DIS3: variants seen among roughly 807,000 people sequenced by gnomAD.
DIS3 encodes the protein DIS3 exosome endoribonuclease and 3'-5' exoribonuclease.
DIS3 carries 103 observed loss-of-function variants against 113.0 expected under a neutral mutation model. That is an observed-to-expected ratio of 0.91 (90% confidence interval 0.78 to 1.07). DIS3 has a LOEUF of 1.07. Ranked by LOEUF, DIS3 falls within the 50% of genes least tolerant of loss-of-function variation. The pLI, the probability that DIS3 is intolerant of heterozygous loss-of-function variation, is 0.00. For missense variants in DIS3, 1,121 were observed against 1,167.1 expected (o/e 0.96, Z 0.58); for synonymous variants, 402 against 394.3 (o/e 1.02, Z -0.23).
At chr13:72,763,914 C>A (rs977953666) in intron 15 of DIS3, among the ~76,000 whole-genome samples, 1 of 151,956 alleles carries the variant, frequency 6.6e-6, no homozygotes, top group Non-Finnish European at 1.5e-5. Flanking sequence ...TTTGGGAGGC[C>A]GAGGCAGGCA....
chr13:72,771,047 A>G (rs776783835), intron 12 of DIS3, 34 bp downstream of exon 12: 3 of 1,610,782 alleles, frequency 1.9e-6, no homozygotes, highest in Non-Finnish European at 2.5e-6. Flanking sequence ...AGTAAATACA[A>G]TGTCTTCAAG....
At chr13:72,763,302 C>CAAA in intron 16 of DIS3, 149 bp downstream of exon 16, 1 of 892,702 alleles carries the variant, frequency 1.1e-6, no homozygotes. Context: ...GACCCTGTCT[C>CAAA]AAAAAAAAAA....
intron 16 of DIS3, among the ~76,000 whole-genome samples, chr13:72,762,831 T>A (rs12871832): frequency 0.089 from 12,418 of 139,482 alleles, 685 homozygotes; most frequent in South Asian, 0.2. Context: ...AGTAAATAAA[T>A]AAAAAAAAAA....
chr13:72,779,519 TC>T (rs11330948), intron 2 of DIS3, among the ~76,000 whole-genome samples: 40,714 of 152,126 alleles, frequency 0.27, 6,629 homozygotes, highest in East Asian at 0.48. Context: ...TGTTGCTATT[TC>T]TGGATTTCAA....
Position 72,772,231 on chromosome 13 carries a change from A to G in DIS3, c.1431T>C (p.Ser477=), listed in dbSNP as rs779255838. 4 of 1,613,414 alleles carry G rather than the reference A, an allele frequency of 2.5e-6. No individual in the cohort carries two copies. The highest frequency in any genetic ancestry group is 3.4e-6 in the Non-Finnish European group (4 of 1,179,892). Residue 477 remains serine, a synonymous_variant, in exon 10 of 21, where the codon AGT becomes AGC. Coordinates refer to ENST00000377767, the MANE Select transcript of DIS3 (RefSeq NM_014953.5). ...REDLRHLCIC[S]VDPPGCTDID... ...TATCAGTACATCCTGGTGGGTCTAC[A>G]CTACAAATACACAGATGCCTCAGGT...
intron 4 of DIS3, 143 bp downstream of exon 4, chr13:72,777,277 A>G: frequency 1.4e-6 from 1 of 730,422 alleles, no homozygotes; most frequent in South Asian, 1.8e-5. Context: ...AGCCTATGAC[A>G]TCCACTCCTG....
At position 72,753,607 on chromosome 13, in the gene DIS3, TGA is replaced by T. The variant is rs1490350750; in HGVS notation, c.*6186_*6187del. 2 of 1,375,246 alleles carry T rather than the reference TGA, an allele frequency of 1.5e-6. No homozygotes were observed. Among genetic ancestry groups the T allele is most frequent in the African/African-American group, 1.5e-5 (1 of 68,772 alleles). 85.2% of individuals were successfully genotyped at this position (1,375,246 alleles called of 1,614,324 possible). ...GTTAGGATCATTCAGATGTAGTGAA[TGA>T]GAGTTTATAGTGGTTTACTTATTTA... is the stretch of plus-strand genomic sequence containing the variant. On this transcript the variant is annotated 3_prime_UTR_variant, in exon 21 of 21. Transcript: ENST00000377767.
chr13:72,767,859 A>C (rs942700973), intron 14 of DIS3, among the ~76,000 whole-genome samples: 18 of 152,222 alleles, frequency 1.2e-4, no homozygotes, highest in African/African-American at 4.1e-4. Flanking sequence ...GAACTCTGAG[A>C]CCAACATCTG....
In DIS3 at chr13:72,781,013, A is replaced by G; in HGVS notation, c.229-10T>C. On this transcript the variant is annotated splice_polypyrimidine_tract_variant and intron_variant, in intron 1 of 20. Coordinates refer to ENST00000377767, the MANE Select transcript of DIS3 (RefSeq NM_014953.5). ...CCTCAAGAACATCAATCTTAAAGAA[A>G]GATAAAGTTAATTTTTCCTATATTC... The G allele has an allele frequency of 6.3e-7, 1 of 1,587,540 alleles. No homozygotes were observed. The highest frequency in any genetic ancestry group is 8.5e-7 in the Non-Finnish European group (1 of 1,171,018).
Position 72,771,092 on chromosome 13 carries a change from A to G in DIS3, c.1659T>C (p.Cys553=), listed in dbSNP as rs767062037. 6.2e-7 allele frequency: 1 copy of G among 1,613,652 alleles called. No individual in the cohort carries two copies. Among genetic ancestry groups the G allele is most frequent in the East Asian group, 2.2e-5 (1 of 44,786 alleles). The part of the protein sequence containing the change: ...LLSSNLCSLK[C]DVDRLAFSCI... ...CCATGCAGAAATACCTGTCCACGTCACATTTTAAGGAACACAAGTTAGAGC... is the reference window on the plus strand; with the variant it reads ...CCATGCAGAAATACCTGTCCACGTCGCATTTTAAGGAACACAAGTTAGAGC... The change falls in exon 12 of 21, where the codon TGT becomes TGC. Residue 553 remains cysteine (C), a synonymous_variant. Coordinates refer to ENST00000377767, the MANE Select transcript of DIS3 (RefSeq NM_014953.5).
rs9543112 is a variant in DIS3, at chr13:72,756,674, T to C, written c.*3121A>G. On this transcript the variant is annotated 3_prime_UTR_variant, in exon 21 of 21. Transcript: ENST00000377767. ...GGGGCGGTTTCCTCCATGCTGTTCC[T>C]GTGATAGTGAGCCGGTCTCATGAGA... The C allele has an allele frequency of 0.13, 19,374 of 152,136 alleles. 1,468 individuals are homozygous for C. Among genetic ancestry groups the C allele is most frequent in the Non-Finnish European group, 0.17 (11,637 of 67,986 alleles). The allele number at this position is 152,136 out of a possible 1,614,324, so 9.4% of individuals were successfully genotyped here.
Position 72,781,692 on chromosome 13 carries a change from G to C in DIS3, c.141C>G (p.Ala47=). 1 of 1,557,820 alleles carries C rather than the reference G, an allele frequency of 6.4e-7. No individual in the cohort carries two copies. Among genetic ancestry groups the C allele is most frequent in the Non-Finnish European group, 8.7e-7 (1 of 1,152,018 alleles). ...CCGGGTCCTGGGGCTGCGGCTCCAG[G>C]GCCGGCCCCTCGTGCGCCCCTCCAC... is the stretch of plus-strand genomic sequence containing the variant. ...AACGGAHEGP[A]LEPQPQDPAS... Residue 47 remains alanine, a synonymous_variant, in exon 1 of 21, where the codon GCC becomes GCG. Transcript: ENST00000377767.
chr13:72,759,755 A>G lies in DIS3; in HGVS notation c.*40T>C. ...AGTGTTCTTTCAAGTTTTTTCTTTT[A>G]AAAAAGAAACCAGTCTTTGAAGATT... On this transcript the variant is annotated 3_prime_UTR_variant, in exon 21 of 21. Coordinates refer to ENST00000377767, the MANE Select transcript of DIS3 (RefSeq NM_014953.5). 6.5e-7 allele frequency: 1 copy of G among 1,544,550 alleles called. No homozygotes were observed. Among genetic ancestry groups the G allele is most frequent in the Non-Finnish European group, 8.9e-7 (1 of 1,128,068 alleles).
intron 15 of DIS3, 115 bp from the exon 16 acceptor site, chr13:72,763,722 T>TAAA: frequency 1.0e-6 from 1 of 979,350 alleles, no homozygotes; most frequent in Non-Finnish European, 1.5e-6. Flanking sequence ...ATTTCCTATG[T>TAAA]AAACATTCAT....
At chr13:72,771,291 T>C (rs988017771) in intron 11 of DIS3, 146 bp from the exon 12 acceptor site, 7 of 685,178 alleles carry the variant, frequency 1.0e-5, no homozygotes, top group Non-Finnish European at 1.4e-5. Flanking sequence ...AAAGGTCAAA[T>C]AAAAGGTTTG....
Position 72,760,619 on chromosome 13 carries a change from G to A in DIS3, c.2703C>T (p.Phe901=). 2 of 1,612,970 alleles carry A rather than the reference G, an allele frequency of 1.2e-6. No individual in the cohort carries two copies. The highest frequency in any genetic ancestry group is 1.7e-6 in the Non-Finnish European group (2 of 1,179,236). ...IPSLKIEDTV[F]HVFDKVKVKI... ...TCACTTTAACTTTATCAAATACATG[G>A]AACACTGTATCTTCTATTTTAAGTG... is the stretch of plus-strand genomic sequence containing the variant. Residue 901 remains phenylalanine, a synonymous_variant, in exon 20 of 21, where the codon TTC becomes TTT. Transcript: ENST00000377767.
At chr13:72,761,150 T>C (rs2033613308) in intron 19 of DIS3, among the ~76,000 whole-genome samples, 1 of 152,158 alleles carries the variant, frequency 6.6e-6, no homozygotes, top group Non-Finnish European at 1.5e-5. Flanking sequence ...AAGACAACAA[T>C]TGCATATGAG....
intron 15 of DIS3, 138 bp from the exon 16 acceptor site, chr13:72,763,745 A>G (rs2033685579): frequency 3.7e-6 from 3 of 821,744 alleles, no homozygotes; most frequent in Admixed American, 3.3e-5. Context: ...GTGTGTGTAC[A>G]TTTGTATTTT....
chr13:72,780,052 G>A (rs538120357), intron 2 of DIS3, among the ~76,000 whole-genome samples: 1 of 152,100 alleles, frequency 6.6e-6, no homozygotes, highest in South Asian at 2.1e-4. Context: ...TCCTGGCCAG[G>A]CACGGTAGCT....
Sources: allele counts gnomAD v4.1 joint callset (sites outside exome capture counted in the v4.1 genomes callset), GRCh38; gene constraint gnomAD v4.1.1; transcripts MANE v1.5; gene names NCBI Gene and HGNC (gene_info 2026-07-23, HGNC 2026-07-21).